DACT1: variants seen among roughly 807,000 people sequenced by gnomAD.
DACT1 encodes dishevelled binding antagonist of beta catenin 1.
DACT1 carries 19 observed loss-of-function variants against 35.3 expected under a neutral mutation model. The observed-to-expected ratio is 0.54, with a 90% CI of 0.38 to 0.79. DACT1 has a LOEUF of 0.79. Among genes scored for constraint, DACT1 ranks in the 30% least tolerant of loss-of-function variants. The pLI is 0.00. For missense variants in DACT1, 1,143 were observed against 1,057.5 expected, an observed-to-expected ratio of 1.08 and a Z score of -1.12; for synonymous variants, 545 against 466.7, an observed-to-expected ratio of 1.17 and a Z score of -2.16.
chr14:58,638,733 C>T, intron 1 of DACT1, 186 bp downstream of exon 1: 1 of 1,188,794 alleles, frequency 8.4e-7, no homozygotes, highest in Non-Finnish European at 1.1e-6. Context: ...GCTGCCGACG[C>T]CCACGCGTTT....
rs769868035 is a variant in DACT1 at position 58,646,243 on chromosome 14, C to G, written c.1509C>G (p.Phe503Leu). 6.2e-7 allele frequency: 1 copy of G among 1,614,008 alleles called. No individual in the cohort carries two copies. Among genetic ancestry groups the G allele is most frequent in the South Asian group, 1.1e-5 (1 of 91,046 alleles). Residue 503 changes from phenylalanine to leucine, a missense_variant, in exon 4 of 4, where the codon TTC becomes TTG. Around this residue, in one of 3 missense-constraint regions of DACT1, gnomAD observed 1,054 missense variants for 958.8 expected, o/e 1.10. Transcript: ENST00000395153. ...FPVEERPALD[F>L]KSEGSSQSLE... ...TGGAAGAGAGGCCTGCCTTGGATTT[C>G]AAGAGCGAGGGCTCTTCCCAAAGCC... is the stretch of plus-strand genomic sequence containing the variant.
chr14:58,644,674 TA>T (rs907117715), intron 3 of DACT1, among the ~76,000 whole-genome samples: 1 of 152,152 alleles, frequency 6.6e-6, no homozygotes, highest in Non-Finnish European at 1.5e-5. Flanking sequence ...GAATTAGGTT[TA>T]AAAAAACACA....
At chr14:58,641,795 G>A in intron 3 of DACT1, 48 bp downstream of exon 3, 3 of 1,591,690 alleles carry the variant, frequency 1.9e-6, no homozygotes, top group Non-Finnish European at 2.6e-6. Context: ...AAGGCATCAA[G>A]GGCCCTTAAA....
chr14:58,637,928 G>A (rs944297337), upstream of DACT1: 1 of 183,980 alleles, frequency 5.4e-6, no homozygotes, highest in Non-Finnish European at 1.1e-5. Context: ...GGGGTTTGCA[G>A]GGCCGCCGCG....
chr14:58,638,740 G>A, intron 1 of DACT1, 193 bp downstream of exon 1: 1 of 1,191,474 alleles, frequency 8.4e-7, no homozygotes, highest in Non-Finnish European at 1.0e-6. Context: ...ACGCCCACGC[G>A]TTTCTGGCGT....
intron 2 of DACT1, 107 bp from the exon 3 acceptor site, chr14:58,641,481 AAAAC>A (rs1480328891): frequency 8.3e-6 from 11 of 1,327,212 alleles, no homozygotes; most frequent in African/African-American, 5.9e-5. Flanking sequence ...AATTGGCCAA[AAAAC>A]AAACAAAAAA....
At chr14:58,644,510 C>T (rs1455909690) in intron 3 of DACT1, among the ~76,000 whole-genome samples, 4 of 152,234 alleles carry the variant, frequency 2.6e-5, no homozygotes, top group Admixed American at 6.5e-5. Context: ...GGATTGCAGG[C>T]GTGAGCCATC....
chr14:58,641,798 C>A, intron 3 of DACT1, 51 bp downstream of exon 3: 3 of 1,579,476 alleles, frequency 1.9e-6, no homozygotes, highest in Non-Finnish European at 2.6e-6. Context: ...GCATCAAGGG[C>A]CCTTAAAAGG....
upstream of DACT1, among the ~76,000 whole-genome samples, chr14:58,634,463 G>A (rs1266244676): frequency 6.6e-6 from 1 of 152,172 alleles, no homozygotes; most frequent in East Asian, 1.9e-4. Flanking sequence ...TGATTGTGGG[G>A]TCAAGCTATA....
chr14:58,644,902 C>T (rs1451877289), intron 3 of DACT1, among the ~76,000 whole-genome samples: 1 of 152,196 alleles, frequency 6.6e-6, no homozygotes, highest in African/African-American at 2.4e-5. Flanking sequence ...TGCTTCATCT[C>T]AGATGTTTTT....
chr14:58,634,632 C>A (rs1363704718), upstream of DACT1, among the ~76,000 whole-genome samples: 1 of 152,236 alleles, frequency 6.6e-6, no homozygotes, highest in Non-Finnish European at 1.5e-5. Context: ...TATTCGGAGA[C>A]AGCTTTTCCC....
chr14:58,641,575 G>T lies in DACT1; in HGVS notation c.479-17G>T, dbSNP rs923407392. 1 of 1,606,710 alleles carries T rather than the reference G, an allele frequency of 6.2e-7. No individual in the cohort carries two copies. Among genetic ancestry groups the T allele is most frequent in the Non-Finnish European group, 8.5e-7 (1 of 1,177,048 alleles). On this transcript the variant is annotated splice_polypyrimidine_tract_variant and intron_variant, in intron 2 of 3. Transcript: ENST00000395153. Reference sequence around the variant, plus strand: ...TTCTTGACATGATGTTAATTCCAACGGTGTTTTTATTTGTAGGGTTTTATG... The same window carrying T: ...TTCTTGACATGATGTTAATTCCAACTGTGTTTTTATTTGTAGGGTTTTATG...
In DACT1 at chr14:58,647,039, G is replaced by A. The variant is rs373380984; in HGVS notation, c.2305G>A (p.Ala769Thr). 5.6e-6 allele frequency: 9 copies of A among 1,614,042 alleles called. No homozygotes were observed. In the East Asian group the frequency reaches 1.1e-4, roughly 20 times the overall value. Residue 769 changes from alanine to threonine, a missense_variant, in exon 4 of 4, where the codon GCA (alanine) becomes ACA (threonine). This residue lies in a region of DACT1 where 1,054 missense variants were observed against 958.8 expected (regional missense o/e 1.10). Coordinates refer to ENST00000395153, the MANE Select transcript of DACT1 (RefSeq NM_001079520.2). ...GGCCCCAGACCTTCACAACCACCCC[G>A]CAAAAACCTTTGTCAAAATTAAGGC... ...VTAPDLHNHPAKTFVKIKASH... is the reference protein window; with the variant it reads ...VTAPDLHNHPTKTFVKIKASH...
intron 1 of DACT1, 87 bp downstream of exon 1, chr14:58,638,634 C>G: frequency 8.0e-7 from 1 of 1,252,478 alleles, no homozygotes. Context: ...GCGAGGTTGA[C>G]TCTGGCTGGG....
chr14:58,645,471 T>A lies in DACT1; in HGVS notation c.737T>A (p.Phe246Tyr). 5 of 1,614,204 alleles carry A rather than the reference T, an allele frequency of 3.1e-6. No individual in the cohort carries two copies. The highest frequency in any genetic ancestry group is 4.2e-6 in the Non-Finnish European group (5 of 1,180,030). The change falls in exon 4 of 4, where the codon TTT becomes TAT. Residue 246 changes from phenylalanine to tyrosine, a missense_variant. Phe to Tyr is a conservative substitution (Grantham distance 22). This residue lies in a region of DACT1 where 1,054 missense variants were observed against 958.8 expected (regional missense o/e 1.10). Transcript: ENST00000395153. ...GCTGTGGCTGTGCAGAGCCCAATGT[T>A]TCTCCTTTGTCTGACGGGCAACCCT... ...LHAVAVQSPM[F>Y]LLCLTGNPLR...
At chr14:58,640,894 A>C (rs1172685485) in intron 2 of DACT1, 26 bp downstream of exon 2, 1 of 1,613,858 alleles carries the variant, frequency 6.2e-7, no homozygotes. Flanking sequence ...CAAGGACAGA[A>C]TTCTGCACTC....
intron 3 of DACT1, among the ~76,000 whole-genome samples, chr14:58,642,165 T>A (rs1164688711): frequency 6.6e-6 from 1 of 152,118 alleles, no homozygotes; most frequent in Admixed American, 6.5e-5. Context: ...CTTAGGCAGC[T>A]GGATCACCTG....
rs752793356 is a variant in DACT1, at chr14:58,646,469, G to C, written c.1735G>C (p.Asp579His). The change falls in exon 4 of 4, where the codon GAT becomes CAT. Residue 579 changes from aspartate to histidine, a missense_variant. Transcript: ENST00000395153. ...CGGGAGCAAGAAGTGTCGCTTCCCA[G>C]ATGACTTGGATACAAATAAGAAACT... is the stretch of plus-strand genomic sequence containing the variant. ...RAGSKKCRFP[D>H]DLDTNKKLKK... 1.8e-5 allele frequency: 28 copies of C among 1,572,634 alleles called. No individual in the cohort carries two copies. Among genetic ancestry groups the C allele is most frequent in the Non-Finnish European group, 2.1e-5 (24 of 1,163,416 alleles).
chr14:58,635,468 C>T (rs2047567122), upstream of DACT1, among the ~76,000 whole-genome samples: 1 of 152,190 alleles, frequency 6.6e-6, no homozygotes, highest in South Asian at 2.1e-4. Context: ...TTTTAATTGG[C>T]ATGTGAATGA....
Sources: gnomAD v4.1 joint callset for allele counts (sites outside exome capture counted in the v4.1 genomes callset) on GRCh38, gnomAD v4.1.1 for gene constraint, gnomAD v4.1.1 regional missense constraint, MANE v1.5 for transcripts, NCBI Gene and HGNC (gene_info 2026-07-23, HGNC 2026-07-21) for gene names.